The following IRS1 variants were observed in gnomAD, a reference collection of about 807,000 sequenced individuals.
IRS1 encodes the protein insulin receptor substrate 1.
In IRS1, 34 loss-of-function variants were observed where a neutral mutation model predicts 65.6. The observed-to-expected ratio is 0.52, with a 90% CI of 0.39 to 0.69. The LOEUF is 0.69. Ranked by LOEUF, IRS1 falls within the 30% of genes least tolerant of loss-of-function variation. The probability of loss-of-function intolerance (pLI) is 0.00; values close to 1 mark genes in which losing one functional copy is unlikely to be tolerated. For synonymous variants in IRS1, 699 were observed against 683.5 expected, an observed-to-expected ratio of 1.02 and a Z score of -0.35; for missense variants, 1,641 against 1,720.2, an observed-to-expected ratio of 0.95 and a Z score of 0.81.
chr2:226,780,756 T>C (rs1403915230), intron 1 of IRS1, among the ~76,000 whole-genome samples: 1 of 150,960 alleles, frequency 6.6e-6, no homozygotes, highest in Non-Finnish European at 1.5e-5. Context: ...ATTACAGTCT[T>C]GTAATTTTGA....
intron 1 of IRS1, among the ~76,000 whole-genome samples, chr2:226,763,509 G>T (rs1938963214): frequency 6.6e-6 from 1 of 152,132 alleles, no homozygotes; most frequent in Non-Finnish European, 1.5e-5. Context: ...AGCAATCCAG[G>T]GAGCTTGAAT....
At chr2:226,755,134 C>A (rs928747555) in intron 1 of IRS1, among the ~76,000 whole-genome samples, 1 of 152,198 alleles carries the variant, frequency 6.6e-6, no homozygotes, top group Non-Finnish European at 1.5e-5. Flanking sequence ...TTCGGTCCTT[C>A]CATCCTTTTT....
chr2:226,772,402 G>A (rs944077012), intron 1 of IRS1, among the ~76,000 whole-genome samples: 13 of 152,108 alleles, frequency 8.5e-5, no homozygotes, highest in African/African-American at 1.7e-4. Flanking sequence ...TGGCAGAATC[G>A]GGAATAAAAT....
intron 1 of IRS1, among the ~76,000 whole-genome samples, chr2:226,789,295 G>C (rs1939545887): frequency 6.6e-6 from 1 of 152,168 alleles, no homozygotes; most frequent in African/African-American, 2.4e-5. Context: ...AATCCACATG[G>C]AGGGACAAAA....
intron 1 of IRS1, among the ~76,000 whole-genome samples, chr2:226,789,477 A>G (rs1265525991): frequency 6.6e-6 from 1 of 152,222 alleles, no homozygotes. Context: ...CTAAGAGAGA[A>G]AAATAAAGCT....
At chr2:226,752,887 C>G (rs1938712034) in intron 1 of IRS1, among the ~76,000 whole-genome samples, 1 of 152,210 alleles carries the variant, frequency 6.6e-6, no homozygotes, top group African/African-American at 2.4e-5. Context: ...CCTCACTGAG[C>G]TGCGGTTTCA....
chr2:226,756,699 C>T (rs963938669), intron 1 of IRS1, among the ~76,000 whole-genome samples: 23 of 152,184 alleles, frequency 1.5e-4, no homozygotes, highest in African/African-American at 4.8e-4. Context: ...CGAGGTGGCT[C>T]ACGCCTGTAA....
Position 226,771,548 on chromosome 2 carries a change from T to C in IRS1, c.*21+23441A>G, listed in dbSNP as rs572309114. Among the ~76,000 whole-genome samples, 8 of 152,274 alleles carry C rather than the reference T, an allele frequency of 5.3e-5. No homozygotes were observed. In the South Asian group the frequency reaches 1.7e-3, roughly 32 times the overall value. ...TTTTAGTAGTTTCGTTATTTTGCTTTCCTTACAGCATGGATTATGTAAATT... is the reference window on the plus strand; with the variant it reads ...TTTTAGTAGTTTCGTTATTTTGCTTCCCTTACAGCATGGATTATGTAAATT... On this transcript the variant is annotated intron_variant, in intron 1 of 1. Transcript: ENST00000305123.
intron 1 of IRS1, among the ~76,000 whole-genome samples, chr2:226,764,058 C>A (rs1938975646): frequency 6.6e-6 from 1 of 150,614 alleles, no homozygotes; most frequent in Non-Finnish European, 1.5e-5. Flanking sequence ...AAAAATGGAT[C>A]ATGGATAAAC....
At position 226,799,105 on chromosome 2, in the gene IRS1, C is replaced by A; in HGVS notation, c.-367G>T. On this transcript the variant is annotated 5_prime_UTR_variant, in exon 1 of 2. Transcript: ENST00000305123. This position sits in a 1 kb window ranked among gnomAD's most constrained non-coding sequence, Gnocchi z 6.1. ...CCGGCTGGAGTCCGGCACAGGGAGG[C>A]GACAGTCGGGGGTCCCTGCGGTGCC... 1.7e-6 allele frequency: 2 copies of A among 1,191,806 alleles called. No individual in the cohort carries two copies. Among genetic ancestry groups the A allele is most frequent in the Non-Finnish European group, 2.1e-6 (2 of 944,690 alleles). The allele number at this position is 1,191,806 out of a possible 1,614,324, so 73.8% of individuals were successfully genotyped here.
chr2:226,742,746 A>G (rs1480207448), intron 1 of IRS1, among the ~76,000 whole-genome samples: 2 of 151,790 alleles, frequency 1.3e-5, no homozygotes, highest in East Asian at 3.9e-4. Flanking sequence ...AAAGGCGACC[A>G]TCAAGCCTGT....
chr2:226,759,665 A>T (rs1275515224), intron 1 of IRS1, among the ~76,000 whole-genome samples: 1 of 152,268 alleles, frequency 6.6e-6, no homozygotes, highest in Non-Finnish European at 1.5e-5. Flanking sequence ...AATGGAAAAC[A>T]ATGAAAACTT....
rs1939680254 is a variant in IRS1 at position 226,795,037 on chromosome 2, G to A, written c.3702C>T (p.Phe1234=). 1 of 1,607,340 alleles carries A rather than the reference G, an allele frequency of 6.2e-7. No individual in the cohort carries two copies. The highest frequency in any genetic ancestry group is 1.4e-5 in the African/African-American group (1 of 73,596). The change falls in exon 1 of 2, where the codon TTC becomes TTT. Residue 1234 remains phenylalanine, a synonymous_variant. Transcript: ENST00000305123. ...ACTGACGGTCCTCTGGCTGCTTCTGGAAACTGATGCTGGCATAGGCGCTTA... is the reference window on the plus strand; with the variant it reads ...ACTGACGGTCCTCTGGCTGCTTCTGAAAACTGATGCTGGCATAGGCGCTTA... ...EDLSAYASIS[F]QKQPEDRQ
rs1939760769 is a variant in IRS1, at chr2:226,797,461, G to C, written c.1278C>G (p.Ile426Met). The C allele has an allele frequency of 6.2e-7, 1 of 1,613,652 alleles. No individual in the cohort carries two copies. The highest frequency in any genetic ancestry group is 8.5e-7 in the Non-Finnish European group (1 of 1,179,992). The change falls in exon 1 of 2, where the codon ATC (isoleucine) becomes ATG (methionine). Residue 426 changes from isoleucine (I) to methionine (M), a missense_variant. By Grantham distance (10) the Ile-to-Met change is conservative. This residue lies in a region of IRS1 where 1,324 missense variants were observed against 1,361.0 expected (regional missense o/e 0.97). Transcript: ENST00000305123. The surrounding 1 kb of genome is among the most constrained non-coding windows in gnomAD (Gnocchi z 8.1). ...VSGSPSDGGF[I>M]SSDEYGSSPC... ...GACTGGAGCCATACTCATCCGAGGAGATGAAACCGCCATCGCTGGGGGAAC... is the reference window on the plus strand; with the variant it reads ...GACTGGAGCCATACTCATCCGAGGACATGAAACCGCCATCGCTGGGGGAAC...
At chr2:226,762,219 G>A (rs187693399) in intron 1 of IRS1, among the ~76,000 whole-genome samples, 2 of 152,188 alleles carry the variant, frequency 1.3e-5, no homozygotes, top group East Asian at 1.9e-4. Flanking sequence ...ATTCAGGGGT[G>A]GCATCCTCAC....
At chr2:226,791,019 C>A (rs1939582152) in intron 1 of IRS1, among the ~76,000 whole-genome samples, 1 of 152,200 alleles carries the variant, frequency 6.6e-6, no homozygotes, top group Admixed American at 6.5e-5. Context: ...ACCGGGTTCT[C>A]AGGATCTGCA....
At chr2:226,749,868 A>G (rs1410961386) in intron 1 of IRS1, among the ~76,000 whole-genome samples, 4 of 152,016 alleles carry the variant, frequency 2.6e-5, no homozygotes, top group Admixed American at 2.0e-4. Context: ...TAAAAAGCTC[A>G]TGAATTAATA....
intron 1 of IRS1, among the ~76,000 whole-genome samples, chr2:226,782,091 T>C (rs992273513): frequency 6.6e-6 from 1 of 152,106 alleles, no homozygotes; most frequent in African/African-American, 2.4e-5. Flanking sequence ...TTAGCTGTGG[T>C]TCAAAGAGTA....
chr2:226,794,928 A>C lies in IRS1; in HGVS notation c.*21+61T>G, dbSNP rs963346894. The C allele has an allele frequency of 2.1e-6, 3 of 1,431,166 alleles. No individual in the cohort carries two copies. The African/African-American group carries it at 4.2e-5, about 20-fold the overall frequency. The allele number at this position is 1,431,166 out of a possible 1,614,324, so 88.7% of individuals were successfully genotyped here. A position where few individuals can be genotyped will look rare whatever the true frequency, so the allele number is the denominator to read the frequency against. On this transcript the variant is annotated intron_variant, in intron 1 of 1. Transcript: ENST00000305123. This position sits in a 1 kb window ranked among gnomAD's most constrained non-coding sequence, Gnocchi z 4.1. ...ACAGGAAGGGGCAGAGGCGAAGAAC[A>C]GAATTCAAGGACAAGGTTAAAAGCA...
Sources: allele counts gnomAD v4.1 joint callset (sites outside exome capture counted in the v4.1 genomes callset), GRCh38; gene constraint gnomAD v4.1.1; regional missense constraint gnomAD v4.1.1; non-coding constraint Gnocchi (gnomAD v3.1); transcripts MANE v1.5; gene names NCBI Gene and HGNC (gene_info 2026-07-23, HGNC 2026-07-21).